The following MED12L variants were observed in gnomAD, a reference collection of about 807,000 sequenced individuals.
MED12L encodes the protein mediator complex subunit 12L, also known as mediator of RNA polymerase II transcription subunit 12-like protein.
A neutral mutation model predicts 281.3 loss-of-function variants in MED12L; 60 were observed. The ratio of observed to expected loss-of-function variants is 0.21; its 90% CI spans 0.17 to 0.26. The LOEUF (loss-of-function observed/expected upper bound fraction) is 0.26. Ranked by LOEUF, MED12L falls within the 10% of genes least tolerant of loss-of-function variation. The probability of loss-of-function intolerance (pLI) is 1.00; values close to 1 mark genes in which losing one functional copy is unlikely to be tolerated. For synonymous variants in MED12L, 974 were observed against 987.2 expected (o/e 0.99, Z 0.25); for missense variants, 2,146 against 2,680.9 (o/e 0.80, Z 4.41).
In MED12L at chr3:151,181,576, C is replaced by CTTTTTTT. The variant is rs57658133; in HGVS notation, c.1495-3733_1495-3727dup. On this transcript the variant is annotated intron_variant, in intron 11 of 44. Transcript: ENST00000687756. ...CATGCCACTGTACTTAGCTCATTGT[C>CTTTTTTT]TTTTTTTTTTTTTTTTTTTTTTTTT... is the stretch of plus-strand genomic sequence containing the variant. 2.3e-3 allele frequency among the ~76,000 whole-genome samples: 109 copies of CTTTTTTT among 47,094 alleles called. 3 individuals carry two copies. Among genetic ancestry groups the CTTTTTTT allele is most frequent in the African/African-American group, 7.4e-3 (104 of 14,070 alleles). The allele number at this position is 47,094 out of a possible 152,430, so 30.9% of individuals were successfully genotyped here. A position where few individuals can be genotyped will look rare whatever the true frequency, so the allele number is the denominator to read the frequency against.
chr3:151,325,365 T>C (rs1749471155), intron 16 of MED12L, among the ~76,000 whole-genome samples: 1 of 152,236 alleles, frequency 6.6e-6, no homozygotes, highest in East Asian at 1.9e-4. Context: ...ATTTTAACTT[T>C]TGACAAAAGC....
At chr3:151,165,623 G>A in intron 10 of MED12L, 104 bp downstream of exon 10, 1 of 1,025,596 alleles carries the variant, frequency 9.8e-7, no homozygotes, top group East Asian at 2.5e-5. Context: ...CTTTTTGACA[G>A]AGCCACTTGG....
chr3:151,292,565 G>A (rs921082673), intron 16 of MED12L, among the ~76,000 whole-genome samples: 29 of 151,266 alleles, frequency 1.9e-4, no homozygotes, highest in African/African-American at 4.9e-4. Flanking sequence ...GCCACTGCGC[G>A]CAGCTTGCTC....
chr3:151,294,247 G>A (rs1744736257), intron 16 of MED12L: 1 of 1,613,464 alleles, frequency 6.2e-7, no homozygotes, highest in African/African-American at 1.3e-5. Context: ...TTTCACTCCT[G>A]GTTCTGATAT....
chr3:151,336,714 A>C, intron 16 of MED12L: 1 of 340,766 alleles, frequency 2.9e-6, no homozygotes. Context: ...AGTCATCTTC[A>C]GAAGAGACTT....
chr3:151,258,110 G>A (rs1361908610), intron 16 of MED12L, among the ~76,000 whole-genome samples: 1 of 152,132 alleles, frequency 6.6e-6, no homozygotes, highest in Non-Finnish European at 1.5e-5. Context: ...GTTGCTCCAA[G>A]GCATTTACAG....
intron 16 of MED12L, among the ~76,000 whole-genome samples, chr3:151,215,113 C>CT (rs556487682): frequency 3.6e-4 from 52 of 145,386 alleles, no homozygotes; most frequent in South Asian, 1.8e-3. Context: ...CAATATTGAG[C>CT]TTTTTTTTTT....
chr3:151,380,774 T>A (rs1307750793), intron 32 of MED12L, among the ~76,000 whole-genome samples: 1 of 152,210 alleles, frequency 6.6e-6, no homozygotes, highest in Non-Finnish European at 1.5e-5. Flanking sequence ...ATTTTATATA[T>A]TGCATATAAC....
intron 16 of MED12L, among the ~76,000 whole-genome samples, chr3:151,249,492 C>T (rs1411835818): frequency 6.6e-6 from 1 of 152,006 alleles, no homozygotes; most frequent in East Asian, 1.9e-4. Context: ...TGGTGCAGGG[C>T]AAGATAACTG....
chr3:151,129,244 C>T (rs995177563), intron 5 of MED12L, among the ~76,000 whole-genome samples: 3 of 152,088 alleles, frequency 2.0e-5, no homozygotes, highest in African/African-American at 7.2e-5. Context: ...GATTGGAGCA[C>T]ACTCTAAAAA....
intron 39 of MED12L, among the ~76,000 whole-genome samples, chr3:151,402,964 T>C (rs899464964): frequency 2.6e-5 from 4 of 152,146 alleles, no homozygotes; most frequent in Non-Finnish European, 4.4e-5. Flanking sequence ...TCTGGAAGAC[T>C]TTGACAACAT....
chr3:151,302,500 A>G (rs1746074345), intron 16 of MED12L, among the ~76,000 whole-genome samples: 1 of 152,244 alleles, frequency 6.6e-6, no homozygotes, highest in Admixed American at 6.5e-5. Context: ...TCATGAGGCT[A>G]AATTGAATAT....
chr3:151,289,387 C>G (rs9863821), intron 16 of MED12L, among the ~76,000 whole-genome samples: 2 of 152,114 alleles, frequency 1.3e-5, no homozygotes, highest in Non-Finnish European at 2.9e-5. Flanking sequence ...GAAAAAGATA[C>G]TCACTCTGTA....
At chr3:151,110,772 G>A (rs913365393) in intron 2 of MED12L, among the ~76,000 whole-genome samples, 1 of 152,218 alleles carries the variant, frequency 6.6e-6, no homozygotes, top group African/African-American at 2.4e-5. Flanking sequence ...GTGTGTGTGT[G>A]TGTGTAGCTT....
intron 16 of MED12L, among the ~76,000 whole-genome samples, chr3:151,224,197 C>A (rs1305299459): frequency 6.6e-6 from 1 of 152,072 alleles, no homozygotes; most frequent in Non-Finnish European, 1.5e-5. Flanking sequence ...GTGCATTTTT[C>A]TTCCTCTTCT....
chr3:151,400,210 G>A (rs1183192711), intron 39 of MED12L, among the ~76,000 whole-genome samples: 1 of 152,198 alleles, frequency 6.6e-6, no homozygotes. Context: ...CCCAGGAAAA[G>A]AACTTTATGC....
intron 3 of MED12L, among the ~76,000 whole-genome samples, chr3:151,121,967 G>A (rs1393317342): frequency 1.3e-5 from 2 of 152,074 alleles, no homozygotes; most frequent in African/African-American, 4.8e-5. Flanking sequence ...GCCTGCCTTG[G>A]CTTCCCAAAG....
At chr3:151,360,305 A>G (rs1036916797) in intron 20 of MED12L, among the ~76,000 whole-genome samples, 169 bp from the exon 21 acceptor site, 4 of 152,176 alleles carry the variant, frequency 2.6e-5, no homozygotes, top group African/African-American at 7.2e-5. Flanking sequence ...CAGTGTCATA[A>G]TAGAAAAATT....
At chr3:151,427,203 C>G (rs1315518405) in intron 43 of MED12L, among the ~76,000 whole-genome samples, 1 of 152,088 alleles carries the variant, frequency 6.6e-6, no homozygotes, top group Non-Finnish European at 1.5e-5. Context: ...TATGTAGGCT[C>G]TGGAAAGCTG....
Sources: allele counts gnomAD v4.1 joint callset (sites outside exome capture counted in the v4.1 genomes callset), GRCh38; gene constraint gnomAD v4.1.1; transcripts MANE v1.5; gene names NCBI Gene and HGNC (gene_info 2026-07-23, HGNC 2026-07-21).